The following COMMD2 variants were observed in gnomAD, a reference collection of about 807,000 sequenced individuals.
COMMD2 encodes the protein COMM domain-containing protein 2.
In COMMD2, 25 loss-of-function variants were observed where a neutral mutation model predicts 22.5. The ratio of observed to expected loss-of-function variants is 1.11; its 90% CI spans 0.81 to 1.55. The LOEUF (loss-of-function observed/expected upper bound fraction) is 1.55, where lower values mean the gene tolerates loss of function less well. COMMD2 is among the 40% of genes most tolerant of loss of function. The pLI, the probability that COMMD2 is intolerant of heterozygous loss-of-function variation, is 0.00. For missense variants in COMMD2, 223 were observed against 232.9 expected, an observed-to-expected ratio of 0.96 and a Z score of 0.28; for synonymous variants, 98 against 91.2, an observed-to-expected ratio of 1.07 and a Z score of -0.42.
rs1716137068 is a variant in COMMD2, at chr3:149,738,959, C to A, written c.*2562G>T. 1 of 152,140 alleles carries A rather than the reference C, an allele frequency of 6.6e-6. No individual in the cohort carries two copies. The highest frequency in any genetic ancestry group is 1.5e-5 in the Non-Finnish European group (1 of 68,020). The allele number at this position is 152,140 out of a possible 1,614,324, so 9.4% of individuals were successfully genotyped here. On this transcript the variant is annotated 3_prime_UTR_variant, in exon 5 of 5. Coordinates refer to ENST00000473414, the MANE Select transcript of COMMD2 (RefSeq NM_016094.4). ...ACATTTTGTGAAACATTTAAGGAGA[C>A]TTCCAAGGAATGTAACATATGTAGA...
chr3:149,749,524 A>G (rs982236543), intron 4 of COMMD2, among the ~76,000 whole-genome samples: 6 of 152,228 alleles, frequency 3.9e-5, no homozygotes, highest in African/African-American at 1.4e-4. Flanking sequence ...ATAAATCAGA[A>G]TCTCTGGGTA....
intron 4 of COMMD2, among the ~76,000 whole-genome samples, chr3:149,746,574 A>T (rs528440368): frequency 4.6e-5 from 7 of 151,364 alleles, no homozygotes; most frequent in Non-Finnish European, 8.8e-5. Context: ...GATCGAGACC[A>T]TTCTGGCTAA....
intron 2 of COMMD2, 61 bp from the exon 3 acceptor site, chr3:149,751,546 AT>A (rs35993380): frequency 0.028 from 37,708 of 1,342,458 alleles, 651 homozygotes; most frequent in Non-Finnish European, 0.034. Flanking sequence ...TCTTGTTCAT[AT>A]TTGTATTTAA....
chr3:149,750,645 T>G, intron 4 of COMMD2, 33 bp downstream of exon 4: 1 of 1,421,554 alleles, frequency 7.0e-7, no homozygotes, highest in Non-Finnish European at 9.5e-7. Flanking sequence ...AATTCTTATA[T>G]TCTATGTTAA....
At position 149,740,068 on chromosome 3, in the gene COMMD2, T is replaced by G. The variant is rs546365146; in HGVS notation, c.*1453A>C. 6.6e-6 allele frequency: 1 copy of G among 152,362 alleles called. No individual in the cohort carries two copies. The highest frequency in any genetic ancestry group is 2.1e-4 in the South Asian group (1 of 4,830). The allele number at this position is 152,362 out of a possible 1,614,324, so 9.4% of individuals were successfully genotyped here. A position where few individuals can be genotyped will look rare whatever the true frequency, so the allele number is the denominator to read the frequency against. On this transcript the variant is annotated 3_prime_UTR_variant, in exon 5 of 5. Coordinates refer to ENST00000473414, the MANE Select transcript of COMMD2 (RefSeq NM_016094.4). ...TCTAGAGCGCAGTTTAGAGTTTGAT[T>G]GCTTCTACAGCCCTTTCTAGATTAT...
At chr3:149,751,912 A>T in intron 2 of COMMD2, 1 of 348,766 alleles carries the variant, frequency 2.9e-6, no homozygotes, top group Non-Finnish European at 5.1e-6. Context: ...CAGTTGACCC[A>T]GCTATTCCAC....
At chr3:149,751,014 A>C (rs561614652) in intron 3 of COMMD2, among the ~76,000 whole-genome samples, 163 bp from the exon 4 acceptor site, 5 of 152,356 alleles carry the variant, frequency 3.3e-5, no homozygotes, top group African/African-American at 1.2e-4. Flanking sequence ...TTACCAATAC[A>C]TAAAAGTACT....
chr3:149,750,317 G>A (rs1359197749), intron 4 of COMMD2: 17 of 390,710 alleles, frequency 4.4e-5, no homozygotes, highest in Non-Finnish European at 8.3e-5. Context: ...TGGGGTGTGA[G>A]TCACAGTTAA....
At chr3:149,751,871 CTAATAA>C in intron 2 of COMMD2, 1 of 276,166 alleles carries the variant, frequency 3.6e-6, no homozygotes, top group Non-Finnish European at 6.7e-6. Flanking sequence ...ATCTGAACAA[CTAATAA>C]TGATAACCAA....
At position 149,741,455 on chromosome 3, in the gene COMMD2, A is replaced by G; in HGVS notation, c.*66T>C. The stretch of plus-strand genomic sequence containing the variant: ...ATGAATTAATAAAAAATTAATTTTG[A>G]AAAGTAATTGCTGTATATCATCAAT... On this transcript the variant is annotated 3_prime_UTR_variant, in exon 5 of 5. Transcript: ENST00000473414. 7.9e-7 allele frequency: 1 copy of G among 1,270,216 alleles called. No individual in the cohort carries two copies. The allele number at this position is 1,270,216 out of a possible 1,614,324, so 78.7% of individuals were successfully genotyped here. A position where few individuals can be genotyped will look rare whatever the true frequency, so the allele number is the denominator to read the frequency against.
At chr3:149,751,376 C>T (rs1716525231) in intron 3 of COMMD2, 27 bp downstream of exon 3, 2 of 1,613,998 alleles carry the variant, frequency 1.2e-6, no homozygotes, top group Non-Finnish European at 1.7e-6. Flanking sequence ...ATCCAGCCAA[C>T]ACAAAACAGT....
intron 3 of COMMD2, 38 bp from the exon 4 acceptor site, chr3:149,750,889 C>CT: frequency 2.3e-6 from 3 of 1,308,344 alleles, no homozygotes; most frequent in Non-Finnish European, 3.2e-6. Context: ...CAAAATTTAT[C>CT]TTTGTCTAGC....
rs572315665 is a variant in COMMD2 at position 149,741,317 on chromosome 3, C to T, written c.*204G>A. The T allele has an allele frequency of 1.2e-5, 6 of 518,088 alleles. No homozygotes were observed. Among genetic ancestry groups the T allele is most frequent in the South Asian group, 2.2e-5 (1 of 45,690 alleles). The allele number at this position is 518,088 out of a possible 1,614,324, so 32.1% of individuals were successfully genotyped here. A position where few individuals can be genotyped will look rare whatever the true frequency, so the allele number is the denominator to read the frequency against. On this transcript the variant is annotated 3_prime_UTR_variant, in exon 5 of 5. Coordinates refer to ENST00000473414, the MANE Select transcript of COMMD2 (RefSeq NM_016094.4). Reference sequence around the variant, plus strand: ...TCCTGACCTCATGATTTGCCCACCTCGGCCTCCCAAAGTGCTGGGATAACT... The same window carrying T: ...TCCTGACCTCATGATTTGCCCACCTTGGCCTCCCAAAGTGCTGGGATAACT...
At position 149,743,590 on chromosome 3, in the gene COMMD2, C is replaced by A. The variant is rs144684189; in HGVS notation, c.403-1872G>T. 2.4e-4 allele frequency among the ~76,000 whole-genome samples: 37 copies of A among 152,258 alleles called. 1 individual carries two copies. The East Asian group carries it at 6.9e-3, about 29-fold the overall frequency. On this transcript the variant is annotated intron_variant, in intron 4 of 4. Coordinates refer to ENST00000473414, the MANE Select transcript of COMMD2 (RefSeq NM_016094.4). ...AAGAACCCAAGATACTGATCCAAGG[C>A]TGAAATTTAATGTCCCCAACTAATT... is the stretch of plus-strand genomic sequence containing the variant.
chr3:149,750,356 T>C (rs1158965004), intron 4 of COMMD2: 2 of 456,864 alleles, frequency 4.4e-6, no homozygotes, highest in South Asian at 1.6e-5. Context: ...CATTGAGCGG[T>C]ACATTGACCT....
rs894876214 is a variant in COMMD2, at chr3:149,741,544, T to C, written c.577A>G (p.Arg193Gly). ...LEEMKTNHCR[R>G]VVRNIK Reference sequence around the variant, plus strand: ...TACTACTTGATGTTGCGAACAACTCTCCTACAGTGATTTGTCTTCATCTCT... The same window carrying C: ...TACTACTTGATGTTGCGAACAACTCCCCTACAGTGATTTGTCTTCATCTCT... The change falls in exon 5 of 5, where the codon AGA (arginine) becomes GGA (glycine). Residue 193 changes from arginine to glycine, a missense_variant. By Grantham distance (125) the Arg-to-Gly change is moderately radical. Coordinates refer to ENST00000473414, the MANE Select transcript of COMMD2 (RefSeq NM_016094.4). The C allele has an allele frequency of 6.2e-7, 1 of 1,614,022 alleles. No homozygotes were observed. Among genetic ancestry groups the C allele is most frequent in the Non-Finnish European group, 8.5e-7 (1 of 1,179,888 alleles).
In COMMD2 at chr3:149,752,258, C is replaced by A. The variant is rs1440813443; in HGVS notation, c.97G>T (p.Glu33Ter). 2 of 1,614,112 alleles carry A rather than the reference C, an allele frequency of 1.2e-6. No homozygotes were observed. The highest frequency in any genetic ancestry group is 1.7e-6 in the Non-Finnish European group (2 of 1,180,002). ...VVAEFGRIAV[E>*]FLRRGANPKI... ...GGGTTTGCGCCGCGTCTCAGGAATTCCACAGCAATCCGCCCAAACTCGGCG... is the reference window on the plus strand; with the variant it reads ...GGGTTTGCGCCGCGTCTCAGGAATTACACAGCAATCCGCCCAAACTCGGCG... Residue 33 changes from glutamate (E) to a stop codon, truncating the protein, a stop_gained, in exon 2 of 5, where the codon GAA becomes TAA. Coordinates refer to ENST00000473414, the MANE Select transcript of COMMD2 (RefSeq NM_016094.4). LOFTEE classifies it high-confidence loss of function.
At chr3:149,750,629 T>G in intron 4 of COMMD2, 49 bp downstream of exon 4, 2 of 1,351,620 alleles carry the variant, frequency 1.5e-6, no homozygotes, top group Middle Eastern at 3.8e-4. Flanking sequence ...GACACAAACC[T>G]AAAATAATTC....
Position 149,740,680 on chromosome 3 carries a change from T to C in COMMD2, c.*841A>G, listed in dbSNP as rs1346245941. The C allele has an allele frequency of 6.6e-6, 1 of 152,250 alleles. No homozygotes were observed. The highest frequency in any genetic ancestry group is 1.5e-5 in the Non-Finnish European group (1 of 68,040). The allele number at this position is 152,250 out of a possible 1,614,324, so 9.4% of individuals were successfully genotyped here. A position where few individuals can be genotyped will look rare whatever the true frequency, so the allele number is the denominator to read the frequency against. Reference sequence around the variant, plus strand: ...CTATTGATGTTCAATATTCTGTGGCTATTAACACTGTGGGGTGTTTTTAAA... The same window carrying C: ...CTATTGATGTTCAATATTCTGTGGCCATTAACACTGTGGGGTGTTTTTAAA... On this transcript the variant is annotated 3_prime_UTR_variant, in exon 5 of 5. Coordinates refer to ENST00000473414, the MANE Select transcript of COMMD2 (RefSeq NM_016094.4).
Sources: gnomAD v4.1 joint callset for allele counts (sites outside exome capture counted in the v4.1 genomes callset) on GRCh38, gnomAD v4.1.1 for gene constraint, MANE v1.5 for transcripts, NCBI Gene and HGNC (gene_info 2026-07-23, HGNC 2026-07-21) for gene names.